HOGA1: variants seen among roughly 807,000 people sequenced by gnomAD.
The protein encoded by HOGA1 is 4-hydroxy-2-oxoglutarate aldolase, mitochondrial.
A neutral mutation model predicts 34.3 loss-of-function variants in HOGA1; 30 were observed. The observed-to-expected ratio is 0.87, with a 90% CI of 0.65 to 1.19. The LOEUF (loss-of-function observed/expected upper bound fraction) is 1.19, where lower values mean the gene tolerates loss of function less well. HOGA1 is among the 50% of genes most tolerant of loss of function. The pLI, the probability that HOGA1 is intolerant of heterozygous loss-of-function variation, is 0.00. For missense variants in HOGA1, 417 were observed against 436.5 expected (o/e 0.96, Z 0.40); for synonymous variants, 161 against 174.0 (o/e 0.93, Z 0.59).
At chr10:97,609,981 A>G (rs1338196534) in intron 6 of HOGA1, among the ~76,000 whole-genome samples, 1 of 152,218 alleles carries the variant, frequency 6.6e-6, no homozygotes, top group African/African-American at 2.4e-5. Context: ...TTTATCCCAA[A>G]CAACCTTTTA....
Position 97,611,819 on chromosome 10 carries a change from A to G in HOGA1, c.*160A>G, listed in dbSNP as rs2041198648. ...GTCCTCCAGGCAGCCTTTCACAGGC[A>G]CGCCCATGCATATCTCCTATTCTAA... On this transcript the variant is annotated 3_prime_UTR_variant, in exon 7 of 7. Transcript: ENST00000370646. 1 of 757,056 alleles carries G rather than the reference A, an allele frequency of 1.3e-6. No homozygotes were observed. The highest frequency in any genetic ancestry group is 2.3e-5 in the Admixed American group (1 of 42,616). The allele number at this position is 757,056 out of a possible 1,614,324, so 46.9% of individuals were successfully genotyped here. A position where few individuals can be genotyped will look rare whatever the true frequency, so the allele number is the denominator to read the frequency against.
intron 6 of HOGA1, 51 bp from the exon 7 acceptor site, chr10:97,611,459 A>G (rs1027332987): frequency 6.2e-7 from 1 of 1,605,868 alleles, no homozygotes; most frequent in Non-Finnish European, 8.5e-7. Context: ...AGTTCCAGAT[A>G]TGGGTGTTCA....
intron 1 of HOGA1, among the ~76,000 whole-genome samples, chr10:97,589,117 C>T (rs1201087866): frequency 6.6e-6 from 1 of 152,120 alleles, no homozygotes; most frequent in Non-Finnish European, 1.5e-5. Context: ...ATGAAGTCTC[C>T]TGTCCACTCT....
chr10:97,610,194 G>A (rs943912861), intron 6 of HOGA1, among the ~76,000 whole-genome samples: 3 of 152,320 alleles, frequency 2.0e-5, no homozygotes, highest in Non-Finnish European at 4.4e-5. Context: ...TAGGCCAGGC[G>A]CCGTGGCTCA....
At chr10:97,610,639 A>C (rs1479493216) in intron 6 of HOGA1, among the ~76,000 whole-genome samples, 1 of 152,080 alleles carries the variant, frequency 6.6e-6, no homozygotes, top group Admixed American at 6.5e-5. Flanking sequence ...ACAAAAATAA[A>C]ATAAAATAAA....
intron 6 of HOGA1, among the ~76,000 whole-genome samples, chr10:97,608,330 A>G (rs558523928): frequency 6.6e-6 from 1 of 152,322 alleles, no homozygotes; most frequent in Middle Eastern, 3.4e-3. Flanking sequence ...AATTTAAAAA[A>G]TACAATAAAT....
intron 1 of HOGA1, among the ~76,000 whole-genome samples, chr10:97,586,101 C>A (rs1396625449): frequency 6.7e-6 from 1 of 149,326 alleles, no homozygotes; most frequent in Non-Finnish European, 1.5e-5. Flanking sequence ...CATACCATTG[C>A]ACTCTAGCCC....
At chr10:97,601,065 G>A (rs1196515081) in intron 5 of HOGA1, 3 of 152,914 alleles carry the variant, frequency 2.0e-5, no homozygotes, top group African/African-American at 7.2e-5. Context: ...TTTCTACTCT[G>A]TGTACAGAGG....
In HOGA1 at chr10:97,600,483, T is replaced by C. The variant is rs531326044; in HGVS notation, c.700+320T>C. 1.1e-3 allele frequency: 455 copies of C among 426,298 alleles called. 11 individuals are homozygous for C. The highest frequency in any genetic ancestry group is 9.6e-3 in the South Asian group (436 of 45,274). 26.4% of individuals were successfully genotyped at this position (426,298 alleles called of 1,614,324 possible). A position where few individuals can be genotyped will look rare whatever the true frequency, so the allele number is the denominator to read the frequency against. ...GCTCTAATCCCACCTTGTACATCAT[T>C]CTCTGAGGGCAGAGGCCCTGGGGCC... On this transcript the variant is annotated intron_variant, in intron 5 of 6. Transcript: ENST00000370646.
At chr10:97,589,826 T>C (rs2041003463) in intron 1 of HOGA1, 4 of 1,232,122 alleles carry the variant, frequency 3.2e-6, no homozygotes, top group South Asian at 2.7e-5. Flanking sequence ...GGAGACCTTC[T>C]TGGAGCTCAT....
At chr10:97,607,509 C>T (rs2041166349) in intron 6 of HOGA1, among the ~76,000 whole-genome samples, 1 of 152,154 alleles carries the variant, frequency 6.6e-6, no homozygotes, top group African/African-American at 2.4e-5. Flanking sequence ...TTGTCTGTAC[C>T]CATTGGCACT....
chr10:97,592,425 A>G (rs1032754412), intron 1 of HOGA1, among the ~76,000 whole-genome samples: 1 of 151,678 alleles, frequency 6.6e-6, no homozygotes, highest in Admixed American at 6.6e-5. Flanking sequence ...CATTTTTAGT[A>G]GAGACGGGGT....
chr10:97,593,029 CA>C (rs1169191059), intron 1 of HOGA1, among the ~76,000 whole-genome samples: 522 of 47,804 alleles, frequency 0.011, 2 homozygotes, highest in East Asian at 0.043. Context: ...GACTCTGTCT[CA>C]AAAAAAAAAA....
chr10:97,606,506 G>T (rs1169075917), intron 6 of HOGA1, among the ~76,000 whole-genome samples: 1 of 152,050 alleles, frequency 6.6e-6, no homozygotes, highest in Non-Finnish European at 1.5e-5. Context: ...TTGCTGAAAA[G>T]GCCATCTTTC....
chr10:97,600,090 TC>T lies in HOGA1; in HGVS notation c.628del (p.His210ThrfsTer18). 1 of 1,614,120 alleles carries T rather than the reference TC, an allele frequency of 6.2e-7. No individual in the cohort carries two copies. The highest frequency in any genetic ancestry group is 8.5e-7 in the Non-Finnish European group (1 of 1,180,000). On this transcript the variant is annotated frameshift_variant, in exon 5 of 7. Coordinates refer to ENST00000370646, the MANE Select transcript of HOGA1 (RefSeq NM_138413.4). LOFTEE classifies it high-confidence loss of function. ...GDVTRIGLIV[H>X]KTRKQDFQVL... ...AGGTGACCAGGATTGGGCTGATTGT[TC>T]ACAAGACCAGGAAGCAGGATTTTCA...
chr10:97,610,605 C>T (rs1385209431), intron 6 of HOGA1, among the ~76,000 whole-genome samples: 4 of 152,178 alleles, frequency 2.6e-5, no homozygotes, highest in African/African-American at 4.8e-5. Context: ...GCCAACATGG[C>T]GAAGCCCTGT....
rs574532705 is a variant in HOGA1 at position 97,598,397 on chromosome 10, C to T, written c.212-378C>T. ...AATTAAAATGAATGAATCAGGGCTA[C>T]GTGTGCTTTTATGAACAAAGCTCAA... On this transcript the variant is annotated intron_variant, in intron 1 of 6. Transcript: ENST00000370646. 7.2e-5 allele frequency among the ~76,000 whole-genome samples: 11 copies of T among 152,320 alleles called. No individual in the cohort carries two copies. In the South Asian group the frequency reaches 1.4e-3, roughly 20 times the overall value.
intron 1 of HOGA1, chr10:97,590,434 A>G: frequency 3.1e-6 from 5 of 1,614,072 alleles, no homozygotes; most frequent in Middle Eastern, 1.7e-4. Context: ...TGAAGCTGCA[A>G]AAGAATTTCC....
At chr10:97,602,151 A>G in intron 6 of HOGA1, 161 bp downstream of exon 6, 1 of 1,549,482 alleles carries the variant, frequency 6.5e-7, no homozygotes, top group South Asian at 1.2e-5. Flanking sequence ...TGACTCCCAG[A>G]AAATCCTGAC....
Sources: gnomAD v4.1 joint callset for allele counts (sites outside exome capture counted in the v4.1 genomes callset) on GRCh38, gnomAD v4.1.1 for gene constraint, MANE v1.5 for transcripts, NCBI Gene and HGNC (gene_info 2026-07-23, HGNC 2026-07-21) for gene names.